DAZL: variants seen among roughly 807,000 people sequenced by gnomAD.
DAZL encodes deleted in azoospermia like.
DAZL carries 4 observed loss-of-function variants against 45.0 expected under a neutral mutation model. That is an observed-to-expected ratio of 0.09 (90% confidence interval 0.04 to 0.20). The LOEUF is 0.20. Ranked by LOEUF, DAZL falls within the 10% of genes least tolerant of loss-of-function variation. DAZL has a pLI of 1.00. For missense variants in DAZL, 326 were observed against 351.3 expected, an observed-to-expected ratio of 0.93 and a Z score of 0.58; for synonymous variants, 122 against 112.4, an observed-to-expected ratio of 1.09 and a Z score of -0.54.
intron 10 of DAZL, among the ~76,000 whole-genome samples, chr3:16,589,943 G>C (rs554326747): frequency 3.6e-4 from 55 of 151,972 alleles, no homozygotes; most frequent in African/African-American, 1.3e-3. Context: ...GTGTAGCGGT[G>C]CATGTCTGTA....
At chr3:16,590,566 C>T (rs1694502661) in intron 10 of DAZL, among the ~76,000 whole-genome samples, 1 of 152,028 alleles carries the variant, frequency 6.6e-6, no homozygotes, top group African/African-American at 2.4e-5. Flanking sequence ...CATATGTCCA[C>T]GTAATAACTT....
Position 16,598,067 on chromosome 3 carries a change from T to A in DAZL, c.242+20A>T, listed in dbSNP as rs1306284166. On this transcript the variant is annotated intron_variant, in intron 3 of 10. Coordinates refer to ENST00000399444, the MANE Select transcript of DAZL (RefSeq NM_001351.4). Reference sequence around the variant, plus strand: ...TCTATACGTGGCTAGAGTTCAGATATTTTTGATAAAATTACTCACCCTTTG... The same window carrying A: ...TCTATACGTGGCTAGAGTTCAGATAATTTTGATAAAATTACTCACCCTTTG... 6.5e-7 allele frequency: 1 copy of A among 1,528,868 alleles called. No individual in the cohort carries two copies. Among genetic ancestry groups the A allele is most frequent in the Non-Finnish European group, 9.0e-7 (1 of 1,108,966 alleles). 94.7% of individuals were successfully genotyped at this position (1,528,868 alleles called of 1,614,324 possible). A position where few individuals can be genotyped will look rare whatever the true frequency, so the allele number is the denominator to read the frequency against.
At chr3:16,589,429 G>A (rs916874804) in intron 10 of DAZL, among the ~76,000 whole-genome samples, 2 of 152,088 alleles carry the variant, frequency 1.3e-5, no homozygotes, top group Non-Finnish European at 2.9e-5. Flanking sequence ...GTGGCTTCTG[G>A]AAGTTACCTA....
chr3:16,598,229 T>C, intron 2 of DAZL, 51 bp from the exon 3 acceptor site: 1 of 1,504,472 alleles, frequency 6.6e-7, no homozygotes, highest in East Asian at 2.3e-5. Flanking sequence ...TTCAAAAATT[T>C]TAATTTTACT....
chr3:16,598,721 G>C (rs971078170), intron 1 of DAZL, 123 bp from the exon 2 acceptor site: 5 of 1,127,390 alleles, frequency 4.4e-6, no homozygotes, highest in Admixed American at 3.3e-5. Context: ...TTCTAAGTTA[G>C]TTCAGGCTCA....
At chr3:16,592,888 C>T (rs766472916) in intron 9 of DAZL, among the ~76,000 whole-genome samples, 2 of 152,112 alleles carry the variant, frequency 1.3e-5, no homozygotes, top group African/African-American at 2.4e-5. Context: ...TCTACACTCC[C>T]GCTCATTTAA....
At chr3:16,594,846 C>T (rs2125045294) in intron 7 of DAZL, among the ~76,000 whole-genome samples, 1 of 152,104 alleles carries the variant, frequency 6.6e-6, no homozygotes, top group Admixed American at 6.5e-5. Context: ...GAATTTATTA[C>T]CATAGATATG....
chr3:16,595,889 A>C (rs1467619256), intron 6 of DAZL, among the ~76,000 whole-genome samples: 1 of 152,060 alleles, frequency 6.6e-6, no homozygotes, highest in African/African-American at 2.4e-5. Flanking sequence ...GAAACAGTAT[A>C]ATGTCTTATA....
At chr3:16,603,916 G>C (rs1166688542) in intron 1 of DAZL, among the ~76,000 whole-genome samples, 1 of 151,954 alleles carries the variant, frequency 6.6e-6, no homozygotes, top group Admixed American at 6.6e-5. Context: ...GGATTAAGAT[G>C]GATTGCTATT....
chr3:16,593,891 A>G, intron 8 of DAZL, 123 bp from the exon 9 acceptor site: 1 of 624,376 alleles, frequency 1.6e-6, no homozygotes, highest in Non-Finnish European at 2.8e-6. Flanking sequence ...AAATTCAATT[A>G]TATTATTTCA....
At chr3:16,596,609 A>C in intron 6 of DAZL, 141 bp downstream of exon 6, 1 of 912,636 alleles carries the variant, frequency 1.1e-6, no homozygotes. Context: ...AGAAATTTCT[A>C]ACAAAAGTAA....
At position 16,605,233 on chromosome 3, in the gene DAZL, G is replaced by A. The variant is rs56079331; in HGVS notation, c.-28C>T. 9.2e-3 allele frequency: 14,839 copies of A among 1,614,134 alleles called. 83 individuals are homozygous for A. Among genetic ancestry groups the A allele is most frequent in the Non-Finnish European group, 0.011 (12,918 of 1,179,944 alleles). On this transcript the variant is annotated 5_prime_UTR_variant, in exon 1 of 11. Transcript: ENST00000399444. ...TGGCGGCAGGCAGCAGTTCCCGACC[G>A]GCTCCAGGAGGAGCAGAGGCTGTGC...
chr3:16,600,557 G>T (rs957594551), intron 1 of DAZL, among the ~76,000 whole-genome samples: 1 of 152,042 alleles, frequency 6.6e-6, no homozygotes, highest in Admixed American at 6.5e-5. Flanking sequence ...ATTAAGCTGC[G>T]TATCTTGAAC....
rs1694620784 is a variant in DAZL, at chr3:16,597,625, GA to G, written c.243-85del. On this transcript the variant is annotated intron_variant, in intron 3 of 10. Coordinates refer to ENST00000399444, the MANE Select transcript of DAZL (RefSeq NM_001351.4). ...TTCTACTATATACGGAAGTGATCAT[GA>G]CTAAAATATGAATAATATACTATGC... is the stretch of plus-strand genomic sequence containing the variant. 9 of 849,408 alleles carry G rather than the reference GA, an allele frequency of 1.1e-5. No homozygotes were observed. The South Asian group carries it at 1.2e-4, about 11-fold the overall frequency. 52.6% of individuals were successfully genotyped at this position (849,408 alleles called of 1,614,324 possible).
At chr3:16,603,615 T>G (rs1351419221) in intron 1 of DAZL, among the ~76,000 whole-genome samples, 4 of 152,140 alleles carry the variant, frequency 2.6e-5, no homozygotes, top group Non-Finnish European at 4.4e-5. Flanking sequence ...CTAAAGAGAT[T>G]GATTACAGGC....
intron 1 of DAZL, among the ~76,000 whole-genome samples, chr3:16,600,801 A>C (rs536846276): frequency 6.6e-6 from 1 of 152,308 alleles, no homozygotes; most frequent in South Asian, 2.1e-4. Flanking sequence ...GATGTATTTT[A>C]ATTTAGAAGT....
Position 16,588,616 on chromosome 3 carries a change from T to A in DAZL, c.*44A>T. ...ATAGTGGAAACCTTTTAGCTTAATA[T>A]TCAAAACCAGCAACTTCCCATGTAA... is the stretch of plus-strand genomic sequence containing the variant. On this transcript the variant is annotated 3_prime_UTR_variant, in exon 11 of 11. Transcript: ENST00000399444. 2 of 1,505,546 alleles carry A rather than the reference T, an allele frequency of 1.3e-6. No individual in the cohort carries two copies. The highest frequency in any genetic ancestry group is 4.5e-5 in the East Asian group (2 of 44,144). The allele number at this position is 1,505,546 out of a possible 1,614,324, so 93.3% of individuals were successfully genotyped here.
intron 5 of DAZL, 40 bp from the exon 6 acceptor site, chr3:16,596,929 T>G (rs1444884670): frequency 6.2e-7 from 1 of 1,613,486 alleles, no homozygotes. Context: ...TTTTTAGTTC[T>G]TTGAAAAGCT....
intron 9 of DAZL, among the ~76,000 whole-genome samples, chr3:16,593,233 G>A (rs1034176868): frequency 6.6e-6 from 1 of 152,124 alleles, no homozygotes; most frequent in Non-Finnish European, 1.5e-5. Context: ...AAAATTAGTG[G>A]AACTGGAATA....
Sources: gnomAD v4.1 joint callset for allele counts (sites outside exome capture counted in the v4.1 genomes callset) on GRCh38, gnomAD v4.1.1 for gene constraint, MANE v1.5 for transcripts, NCBI Gene and HGNC (gene_info 2026-07-23, HGNC 2026-07-21) for gene names.